TEX36: variants seen among roughly 807,000 people sequenced by gnomAD.
TEX36 encodes the protein testis expressed 36, also known as testis-expressed protein 36.
Under a neutral mutation model 13.6 loss-of-function variants are expected in TEX36, and 12 were observed. The ratio of observed to expected loss-of-function variants is 0.88; its 90% CI spans 0.56 to 1.43. The LOEUF (loss-of-function observed/expected upper bound fraction) is 1.43, where lower values mean the gene tolerates loss of function less well. Among genes scored for constraint, TEX36 ranks in the 40% most tolerant of loss-of-function variants. TEX36 has a pLI of 0.00. For synonymous variants in TEX36, 93 were observed against 83.0 expected (o/e 1.12, Z -0.65); for missense variants, 224 against 228.3 (o/e 0.98, Z 0.12).
chr10:125,642,566 C>T (rs1460043855), intron 3 of TEX36, among the ~76,000 whole-genome samples: 1 of 152,104 alleles, frequency 6.6e-6, no homozygotes, highest in Non-Finnish European at 1.5e-5. Flanking sequence ...CATAAAATCC[C>T]TTAGTTGTAT....
chr10:125,668,833 C>T (rs971245711), intron 1 of TEX36, among the ~76,000 whole-genome samples: 5 of 152,104 alleles, frequency 3.3e-5, no homozygotes, highest in Non-Finnish European at 7.3e-5. Context: ...ATCTTTCTAC[C>T]ATTTTTGATG....
chr10:125,663,351 C>T (rs1368752477), intron 1 of TEX36, among the ~76,000 whole-genome samples: 2 of 152,200 alleles, frequency 1.3e-5, no homozygotes. Context: ...GTGAATAGTG[C>T]TGCAATAAAC....
Position 125,656,055 on chromosome 10 carries a change from C to A in TEX36, c.406G>T (p.Val136Leu). The A allele has an allele frequency of 6.4e-7, 1 of 1,551,886 alleles. No homozygotes were observed. The highest frequency in any genetic ancestry group is 8.7e-7 in the Non-Finnish European group (1 of 1,147,062). Reference sequence around the variant, plus strand: ...GGAAAGCGTCTGAAGCTTGAGACCACCATGGCTTCTTTATATACGTATGAT... The same window carrying A: ...GGAAAGCGTCTGAAGCTTGAGACCAACATGGCTTCTTTATATACGTATGAT... ...QISYVYKEAM[V>L]VSSFRRFPRC... is the part of the protein sequence containing the mutation. The change falls in exon 4 of 4, where the codon GTG becomes TTG. Residue 136 changes from valine (V) to leucine (L), a missense_variant. Transcript: ENST00000368821.
chr10:125,589,727 C>A lies in TEX36; in HGVS notation c.265-12853G>T, dbSNP rs73375977. 8.8e-3 allele frequency among the ~76,000 whole-genome samples: 1,332 copies of A among 152,222 alleles called. 18 individuals are homozygous for A. Among genetic ancestry groups the A allele is most frequent in the African/African-American group, 0.03 (1,254 of 41,530 alleles). ...GGATAGTGCAAGACTCAATTATCTACTATTGTATTTAGGATTTCTGCATCT... is the reference window on the plus strand; with the variant it reads ...GGATAGTGCAAGACTCAATTATCTAATATTGTATTTAGGATTTCTGCATCT... On this transcript the variant is annotated intron_variant, in intron 3 of 3. Transcript: ENST00000532135.
chr10:125,632,689 A>G (rs1322469102), intron 3 of TEX36, among the ~76,000 whole-genome samples: 1 of 152,204 alleles, frequency 6.6e-6, no homozygotes, highest in Non-Finnish European at 1.5e-5. Context: ...CTGCTCAGCT[A>G]CAGTCCCTGT....
At chr10:125,623,566 C>A (rs569121736) in intron 3 of TEX36, among the ~76,000 whole-genome samples, 1 of 146,642 alleles carries the variant, frequency 6.8e-6, no homozygotes, top group South Asian at 2.2e-4. Flanking sequence ...CCAGGATTGA[C>A]TGGTTTCCAA....
At chr10:125,596,087 A>C (rs1484835580) in intron 3 of TEX36, among the ~76,000 whole-genome samples, 9 of 152,258 alleles carry the variant, frequency 5.9e-5, no homozygotes. Context: ...TAAGTATTTA[A>C]CCTCAGGAAT....
intron 3 of TEX36, among the ~76,000 whole-genome samples, chr10:125,593,014 T>C (rs1214853856): frequency 6.6e-6 from 1 of 152,210 alleles, no homozygotes; most frequent in African/African-American, 2.4e-5. Flanking sequence ...TGGGTTTTTA[T>C]GAAGGTTTCA....
At chr10:125,606,954 T>C (rs1416194779) in intron 3 of TEX36, among the ~76,000 whole-genome samples, 1 of 152,214 alleles carries the variant, frequency 6.6e-6, no homozygotes, top group Non-Finnish European at 1.5e-5. Context: ...AACGTACACA[T>C]AAAGCGCCCA....
intron 1 of TEX36, among the ~76,000 whole-genome samples, chr10:125,682,577 A>T (rs981696505): frequency 6.6e-6 from 1 of 152,240 alleles, no homozygotes; most frequent in Non-Finnish European, 1.5e-5. Flanking sequence ...CAAAAATCCC[A>T]GCTCCATGGA....
At chr10:125,601,286 A>C (rs1846142154) in intron 3 of TEX36, among the ~76,000 whole-genome samples, 1 of 152,274 alleles carries the variant, frequency 6.6e-6, no homozygotes, top group South Asian at 2.1e-4. Flanking sequence ...TAAAGAAACT[A>C]TAATAATTAC....
chr10:125,642,745 C>A (rs909281049), intron 3 of TEX36, among the ~76,000 whole-genome samples: 1 of 152,118 alleles, frequency 6.6e-6, no homozygotes, highest in African/African-American at 2.4e-5. Flanking sequence ...TGTCCAACAC[C>A]TCTCTAATAC....
downstream of TEX36, among the ~76,000 whole-genome samples, chr10:125,653,222 G>C (rs1176732055): frequency 1.3e-5 from 2 of 152,094 alleles, no homozygotes; most frequent in Admixed American, 1.3e-4. Flanking sequence ...CAATAGCAAA[G>C]ACTTGGAACC....
chr10:125,677,678 AT>A (rs568468576), intron 1 of TEX36, among the ~76,000 whole-genome samples: 47 of 150,960 alleles, frequency 3.1e-4, no homozygotes, highest in African/African-American at 1.1e-3. Flanking sequence ...TTTAAAATGA[AT>A]TTTTTTTTCT....
chr10:125,623,122 C>T (rs968471759), intron 3 of TEX36, among the ~76,000 whole-genome samples: 1 of 152,180 alleles, frequency 6.6e-6, no homozygotes, highest in Non-Finnish European at 1.5e-5. Flanking sequence ...TCAGAGTATA[C>T]ACAGCCTTCT....
chr10:125,673,710 C>CAAAA (rs3064205), intron 1 of TEX36, among the ~76,000 whole-genome samples: 5 of 68,442 alleles, frequency 7.3e-5, no homozygotes, highest in South Asian at 5.8e-4. Context: ...GACTCTCTCT[C>CAAAA]AAAAAAAAAA....
intron 1 of TEX36, among the ~76,000 whole-genome samples, chr10:125,670,373 G>C (rs566405940): frequency 6.6e-6 from 1 of 152,108 alleles, no homozygotes; most frequent in African/African-American, 2.4e-5. Flanking sequence ...TCATATGTTT[G>C]TTGGCCGCAT....
At chr10:125,622,138 G>A (rs530121376) in intron 3 of TEX36, among the ~76,000 whole-genome samples, 1 of 152,248 alleles carries the variant, frequency 6.6e-6, no homozygotes, top group African/African-American at 2.4e-5. Flanking sequence ...CCATACACAT[G>A]TCCTGAAATC....
intron 3 of TEX36, among the ~76,000 whole-genome samples, chr10:125,627,004 GAAT>G (rs1846497876): frequency 6.6e-6 from 1 of 152,164 alleles, no homozygotes; most frequent in African/African-American, 2.4e-5. Flanking sequence ...GCAAATGAAA[GAAT>G]AACAGGATCT....
Sources: gnomAD v4.1 joint callset for allele counts (sites outside exome capture counted in the v4.1 genomes callset) on GRCh38, gnomAD v4.1.1 for gene constraint, MANE v1.5 for transcripts, NCBI Gene and HGNC (gene_info 2026-07-23, HGNC 2026-07-21) for gene names.